PPP2CA: variants seen among roughly 807,000 people sequenced by gnomAD.
The protein encoded by PPP2CA is serine/threonine-protein phosphatase 2A catalytic subunit alpha isoform.
Under a neutral mutation model 38.8 loss-of-function variants are expected in PPP2CA, and 5 were observed. That is an observed-to-expected ratio of 0.13 (90% CI 0.07 to 0.27). The LOEUF (loss-of-function observed/expected upper bound fraction) is 0.27, where lower values mean the gene tolerates loss of function less well. Among genes scored for constraint, PPP2CA ranks in the 10% least tolerant of loss-of-function variants. The pLI is 1.00. For synonymous variants in PPP2CA, 152 were observed against 134.0 expected (o/e 1.13, Z -0.93); for missense variants, 88 against 389.7 (o/e 0.23, Z 6.52).
intron 4 of PPP2CA, 42 bp downstream of exon 4, chr5:134,200,943 T>C (rs1486078816): frequency 2.4e-5 from 35 of 1,473,142 alleles, no homozygotes; most frequent in Non-Finnish European, 3.2e-5. Context: ...CTCCACTCCC[T>C]AATAAGTTTT....
chr5:134,218,224 C>T (rs1762362191), intron 1 of PPP2CA, among the ~76,000 whole-genome samples: 1 of 151,998 alleles, frequency 6.6e-6, no homozygotes, highest in African/African-American at 2.4e-5. Flanking sequence ...GTTTAACCCT[C>T]CAGGTAATAT....
chr5:134,207,841 C>G (rs1762115213), intron 1 of PPP2CA, among the ~76,000 whole-genome samples: 1 of 152,206 alleles, frequency 6.6e-6, no homozygotes, highest in Non-Finnish European at 1.5e-5. Context: ...AGCCACTATA[C>G]TGGCCTGAGA....
chr5:134,201,875 A>T lies in PPP2CA; in HGVS notation c.459T>A (p.Leu153=). 6.2e-7 allele frequency: 1 copy of T among 1,613,860 alleles called. No individual in the cohort carries two copies. The highest frequency in any genetic ancestry group is 8.5e-7 in the Non-Finnish European group (1 of 1,179,884). Residue 153 remains leucine (L), a synonymous_variant, in exon 3 of 7, where the codon CTT becomes CTA. Coordinates refer to ENST00000481195, the MANE Select transcript of PPP2CA (RefSeq NM_002715.4). The stretch of plus-strand genomic sequence containing the variant: ...GCCCATCCACCAAGGCAGTGAGAGG[A>T]AGATAGTCAAAAAGATCTGTAAAAT... ...WKYFTDLFDY[L]PLTALVDGQI... is the part of the protein sequence containing the mutation.
chr5:134,214,119 ACT>A (rs1405841983), intron 1 of PPP2CA, among the ~76,000 whole-genome samples: 3 of 151,818 alleles, frequency 2.0e-5, no homozygotes, highest in African/African-American at 4.8e-5. Flanking sequence ...ACACAGTAAG[ACT>A]CTCTCTCAAA....
Position 134,200,410 on chromosome 5 carries a change from C to A in PPP2CA, c.663G>T (p.Gly221=), listed in dbSNP as rs1761946626. 1.9e-6 allele frequency: 3 copies of A among 1,614,202 alleles called. No individual in the cohort carries two copies. Among genetic ancestry groups the A allele is most frequent in the Non-Finnish European group, 1.7e-6 (2 of 1,180,026 alleles). The part of the protein sequence containing the change: ...ISPRGAGYTF[G]QDISETFNHA... ...GATTAAATGTCTCAGAAATATCTTG[C>A]CCAAAGGTGTAACCAGCTCCTCGAG... The change falls in exon 5 of 7, where the codon GGG becomes GGT. Residue 221 remains glycine, a synonymous_variant. Coordinates refer to ENST00000481195, the MANE Select transcript of PPP2CA (RefSeq NM_002715.4).
chr5:134,197,902 A>G, intron 6 of PPP2CA, 58 bp from the exon 7 acceptor site: 3 of 1,436,598 alleles, frequency 2.1e-6, no homozygotes, highest in Middle Eastern at 1.7e-4. Context: ...AGTGACAATC[A>G]AGATCAAGAA....
intron 1 of PPP2CA, among the ~76,000 whole-genome samples, chr5:134,209,808 C>T (rs140410510): frequency 1.8e-3 from 271 of 151,436 alleles, no homozygotes; most frequent in Non-Finnish European, 7.2e-4. Flanking sequence ...GCGAGTGCAG[C>T]GGCTCATGCC....
At chr5:134,203,931 C>T (rs555062434) in intron 2 of PPP2CA, among the ~76,000 whole-genome samples, 1 of 152,282 alleles carries the variant, frequency 6.6e-6, no homozygotes, top group East Asian at 1.9e-4. Flanking sequence ...AGGCTGCTTG[C>T]ATACTCTTAA....
intron 1 of PPP2CA, among the ~76,000 whole-genome samples, chr5:134,220,840 ACTCC>A (rs961062383): frequency 5.3e-5 from 8 of 152,230 alleles, no homozygotes; most frequent in African/African-American, 1.9e-4. Context: ...TATCCCACAT[ACTCC>A]TGAAGGGTCC....
chr5:134,223,745 A>G (rs1325443692), intron 1 of PPP2CA, among the ~76,000 whole-genome samples: 2 of 152,158 alleles, frequency 1.3e-5, no homozygotes, highest in African/African-American at 4.8e-5. Context: ...TCCATGCTCC[A>G]TCTCCCACAC....
Position 134,202,030 on chromosome 5 carries a change from A to G in PPP2CA, c.313-9T>C. 1 of 1,567,718 alleles carries G rather than the reference A, an allele frequency of 6.4e-7. No homozygotes were observed. The highest frequency in any genetic ancestry group is 8.6e-7 in the Non-Finnish European group (1 of 1,161,268). The stretch of plus-strand genomic sequence containing the variant: ...CGTTCACGGTAACGAACCTAAAACA[A>G]TAAAATGCAAAACATAAACAACTAG... On this transcript the variant is annotated splice_polypyrimidine_tract_variant and intron_variant, in intron 2 of 6. Coordinates refer to ENST00000481195, the MANE Select transcript of PPP2CA (RefSeq NM_002715.4).
intron 2 of PPP2CA, among the ~76,000 whole-genome samples, chr5:134,203,968 C>G (rs1222091698): frequency 2.0e-5 from 3 of 152,206 alleles, no homozygotes; most frequent in African/African-American, 7.2e-5. Flanking sequence ...CCTCTGAGCA[C>G]TGGGATTCAT....
At chr5:134,207,531 T>C (rs1236545958) in intron 1 of PPP2CA, among the ~76,000 whole-genome samples, 4 of 152,074 alleles carry the variant, frequency 2.6e-5, no homozygotes, top group Non-Finnish European at 5.9e-5. Context: ...TGCAACCAAG[T>C]TTAAGAACCA....
At chr5:134,209,754 A>G (rs1486618046) in intron 1 of PPP2CA, among the ~76,000 whole-genome samples, 1 of 144,914 alleles carries the variant, frequency 6.9e-6, no homozygotes, top group African/African-American at 2.6e-5. Flanking sequence ...CTACAGCCAG[A>G]GTGACAGAGC....
rs960312990 is a variant in PPP2CA at position 134,195,702 on chromosome 5, G to A, written c.*2070C>T. On this transcript the variant is annotated 3_prime_UTR_variant, in exon 7 of 7. Transcript: ENST00000481195. ...TTACTAACACATTTTCCTTACCATAGCCATTTTCAAAAGAAGGTAGGGTAC... is the reference window on the plus strand; with the variant it reads ...TTACTAACACATTTTCCTTACCATAACCATTTTCAAAAGAAGGTAGGGTAC... The A allele has an allele frequency of 6.6e-6, 1 of 152,176 alleles. No homozygotes were observed. The highest frequency in any genetic ancestry group is 1.5e-5 in the Non-Finnish European group (1 of 68,008). 9.4% of individuals were successfully genotyped at this position (152,176 alleles called of 1,614,324 possible).
intron 1 of PPP2CA, among the ~76,000 whole-genome samples, chr5:134,213,595 G>A (rs1762254222): frequency 6.6e-6 from 1 of 151,990 alleles, no homozygotes; most frequent in Admixed American, 6.6e-5. Context: ...AGATCAGCCT[G>A]GGCAATGTGG....
chr5:134,225,556 G>T (rs775257596), intron 1 of PPP2CA: 1 of 492,434 alleles, frequency 2.0e-6, no homozygotes, highest in Non-Finnish European at 3.6e-6. Context: ...CGCCATTTTA[G>T]GCGGCGGCGG....
chr5:134,215,906 G>A lies in PPP2CA; in HGVS notation c.103-9775C>T, dbSNP rs762460845. On this transcript the variant is annotated intron_variant, in intron 1 of 6. Transcript: ENST00000481195. Reference sequence around the variant, plus strand: ...CCTTATTCTTCAAATCTTAGGACTTGGGTACTCCAACGAAATCAGATTATG... The same window carrying A: ...CCTTATTCTTCAAATCTTAGGACTTAGGTACTCCAACGAAATCAGATTATG... Among the ~76,000 whole-genome samples the A allele has an allele frequency of 5.7e-4, 87 of 152,254 alleles. No homozygotes were observed. The Middle Eastern group carries it at 0.01, about 18-fold the overall frequency.
intron 1 of PPP2CA, among the ~76,000 whole-genome samples, chr5:134,220,671 G>C (rs899707676): frequency 1.5e-4 from 23 of 151,988 alleles, no homozygotes; most frequent in African/African-American, 5.6e-4. Flanking sequence ...CCTGATAAAA[G>C]ACCCCACCAA....
Sources: allele counts gnomAD v4.1 joint callset (sites outside exome capture counted in the v4.1 genomes callset), GRCh38; gene constraint gnomAD v4.1.1; transcripts MANE v1.5; gene names NCBI Gene and HGNC (gene_info 2026-07-23, HGNC 2026-07-21).